The following FGD3 variants were observed in gnomAD, a reference collection of about 807,000 sequenced individuals.
The protein encoded by FGD3 is FYVE, RhoGEF and PH domain-containing protein 3.
In FGD3, 45 loss-of-function variants were observed where a neutral mutation model predicts 71.8. The observed-to-expected ratio is 0.63, with a 90% CI of 0.49 to 0.80. FGD3 has a LOEUF of 0.80. FGD3 is among the 30% of genes least tolerant of loss of function. The probability of loss-of-function intolerance (pLI) is 0.00; values close to 1 mark genes in which losing one functional copy is unlikely to be tolerated. For missense variants in FGD3, 844 were observed against 951.5 expected, an observed-to-expected ratio of 0.89 and a Z score of 1.49; for synonymous variants, 378 against 392.8, an observed-to-expected ratio of 0.96 and a Z score of 0.44.
chr9:92,976,272 G>A lies in FGD3; in HGVS notation c.16G>A (p.Gly6Arg), dbSNP rs759073543. ...AGCTTTAAGGATGGAGTCAGGCAGG[G>A]GGTCCTCAACCCCTCCAGGACCCAT... MESGR[G>R]SSTPPGPIAA... The change falls in exon 3 of 18, where the codon GGG (glycine) becomes AGG (arginine). Residue 6 changes from glycine (G) to arginine (R), a missense_variant. Coordinates refer to ENST00000375482, the MANE Select transcript of FGD3 (RefSeq NM_001083536.2). 6.3e-7 allele frequency: 1 copy of A among 1,585,804 alleles called. No homozygotes were observed.
chr9:92,965,283 A>G (rs772796530), intron 1 of FGD3, among the ~76,000 whole-genome samples: 1 of 152,200 alleles, frequency 6.6e-6, no homozygotes, highest in Admixed American at 6.5e-5. Flanking sequence ...TGCCATTCAG[A>G]TCGGTGCTTG....
intron 16 of FGD3, 125 bp from the exon 17 acceptor site, chr9:93,034,416 A>G (rs2118850290): frequency 7.6e-7 from 1 of 1,314,596 alleles, no homozygotes; most frequent in Admixed American, 2.4e-5. Context: ...CTCTGTGCAG[A>G]TCTTGGCCAT....
At chr9:92,965,567 A>AAT (rs1161564384) in intron 1 of FGD3, among the ~76,000 whole-genome samples, 1 of 152,174 alleles carries the variant, frequency 6.6e-6, no homozygotes. Flanking sequence ...CTACACAAAA[A>AAT]CCAGCACCAT....
intron 3 of FGD3, among the ~76,000 whole-genome samples, chr9:92,984,635 A>G (rs1860122600): frequency 6.6e-6 from 1 of 152,192 alleles, no homozygotes; most frequent in Non-Finnish European, 1.5e-5. Context: ...CAGGAGAAAT[A>G]GAGCTCTTAG....
chr9:92,994,202 T>A (rs1860537727), intron 3 of FGD3, among the ~76,000 whole-genome samples: 1 of 152,198 alleles, frequency 6.6e-6, no homozygotes, highest in South Asian at 2.1e-4. Context: ...TGATTTGCAT[T>A]TCTCTGATGG....
intron 1 of FGD3, among the ~76,000 whole-genome samples, chr9:92,951,058 G>C (rs1459640910): frequency 6.6e-6 from 1 of 152,170 alleles, no homozygotes; most frequent in African/African-American, 2.4e-5. Context: ...GAGGGTTGTG[G>C]CCAGGGGCTG....
At chr9:93,022,531 C>A (rs1052589133) in intron 14 of FGD3, 142 bp downstream of exon 14, 23 of 765,258 alleles carry the variant, frequency 3.0e-5, no homozygotes, top group Non-Finnish European at 4.5e-5. Context: ...GTCTGCCCTG[C>A]TCACTGTGAC....
intron 1 of FGD3, among the ~76,000 whole-genome samples, chr9:92,971,582 T>C (rs1244133244): frequency 4.4e-5 from 6 of 135,396 alleles, no homozygotes; most frequent in African/African-American, 1.7e-4. Context: ...TTTTTTTTTT[T>C]TTTTTTTTTT....
At position 93,013,909 on chromosome 9, in the gene FGD3, G is replaced by C; in HGVS notation, c.1093G>C (p.Val365Leu). 6.2e-7 allele frequency: 1 copy of C among 1,612,762 alleles called. No individual in the cohort carries two copies. The highest frequency in any genetic ancestry group is 8.5e-7 in the Non-Finnish European group (1 of 1,179,550). The change falls in exon 9 of 18, where the codon GTC becomes CTC. Residue 365 changes from valine (V) to leucine (L), a missense_variant. Coordinates refer to ENST00000375482, the MANE Select transcript of FGD3 (RefSeq NM_001083536.2). ...YEQLGGEEDI[V>L]NPANELIKEG... is the part of the protein sequence containing the mutation. ...GCAGCTGGGTGGGGAAGAAGACATT[G>C]TCAACCCGGCCAATGAACTGATCAA...
Position 93,018,129 on chromosome 9 carries a change from C to T in FGD3, c.1276-7C>T. 6.2e-7 allele frequency: 1 copy of T among 1,613,888 alleles called. No homozygotes were observed. The highest frequency in any genetic ancestry group is 8.5e-7 in the Non-Finnish European group (1 of 1,179,870). The stretch of plus-strand genomic sequence containing the variant: ...GTTTGCTTTGTTCTTTGTTCTTGCC[C>T]CTTCAGGTGCAGGATATCGTCAAGC... On this transcript the variant is annotated splice_region_variant and splice_polypyrimidine_tract_variant and intron_variant, in intron 10 of 17. Coordinates refer to ENST00000375482, the MANE Select transcript of FGD3 (RefSeq NM_001083536.2).
At chr9:93,034,386 C>T (rs1440359849) in intron 16 of FGD3, 155 bp from the exon 17 acceptor site, 15 of 989,840 alleles carry the variant, frequency 1.5e-5, no homozygotes, top group Admixed American at 5.4e-5. Context: ...CCTTGCAAGC[C>T]GGGTGAGGCT....
Position 92,976,284 on chromosome 9 carries a change from C to T in FGD3, c.28C>T (p.Pro10Ser). ...GGAGTCAGGCAGGGGGTCCTCAACC[C>T]CTCCAGGACCCATTGCTGCCCTAGG... MESGRGSST[P>S]PGPIAALGMP... is the part of the protein sequence containing the mutation. Residue 10 changes from proline (P) to serine (S), a missense_variant, in exon 3 of 18, where the codon CCT becomes TCT. Physicochemically the swap from Pro to Ser is moderately conservative, Grantham distance 74 (BLOSUM62 -1). Coordinates refer to ENST00000375482, the MANE Select transcript of FGD3 (RefSeq NM_001083536.2). 1 of 1,591,488 alleles carries T rather than the reference C, an allele frequency of 6.3e-7. No individual in the cohort carries two copies. Among genetic ancestry groups the T allele is most frequent in the Non-Finnish European group, 8.6e-7 (1 of 1,163,574 alleles).
At chr9:92,954,980 A>T (rs548416815) in intron 1 of FGD3, among the ~76,000 whole-genome samples, 6 of 152,270 alleles carry the variant, frequency 3.9e-5, no homozygotes, top group Non-Finnish European at 7.3e-5. Context: ...AGTGATGGCG[A>T]TATGGTGTCT....
intron 6 of FGD3, among the ~76,000 whole-genome samples, chr9:93,007,228 C>CT (rs1350280182): frequency 6.7e-6 from 1 of 148,898 alleles, no homozygotes; most frequent in African/African-American, 2.5e-5. Flanking sequence ...GTAGCTGGGA[C>CT]TACAGGCGCC....
At chr9:92,961,983 G>C (rs1349197239) in intron 1 of FGD3, among the ~76,000 whole-genome samples, 1 of 152,196 alleles carries the variant, frequency 6.6e-6, no homozygotes, top group Non-Finnish European at 1.5e-5. Context: ...GTGTCCACAG[G>C]TCAGCTCTAT....
chr9:93,012,694 TG>T (rs1194516481), intron 8 of FGD3, among the ~76,000 whole-genome samples: 1 of 75,550 alleles, frequency 1.3e-5, no homozygotes. Flanking sequence ...TGGCGGGGTG[TG>T]GGGGGGGGAA....
intron 9 of FGD3, among the ~76,000 whole-genome samples, chr9:93,015,006 G>A (rs1012476592): frequency 2.4e-5 from 3 of 127,510 alleles, no homozygotes; most frequent in Admixed American, 1.0e-4. Flanking sequence ...GCAAGCGCTC[G>A]CCTGCCCTGG....
At chr9:92,947,843 G>C (rs935522384) in intron 1 of FGD3, 114 bp downstream of exon 1, 1 of 152,552 alleles carries the variant, frequency 6.6e-6, no homozygotes, top group Admixed American at 6.5e-5. Context: ...TTCTCCAGGG[G>C]GCGGGCTGGT....
In FGD3 at chr9:92,967,610, C is replaced by T. The variant is rs1048261064; in HGVS notation, c.-217-7628C>T. ...TTTACTTATGAGATGGAGTCTCACTCTGTCACCAGGCTGGAGTGCAGTGGC... is the reference window on the plus strand; with the variant it reads ...TTTACTTATGAGATGGAGTCTCACTTTGTCACCAGGCTGGAGTGCAGTGGC... On this transcript the variant is annotated intron_variant, in intron 1 of 17. Transcript: ENST00000375482. Among the ~76,000 whole-genome samples the T allele has an allele frequency of 4.6e-5, 7 of 152,280 alleles. No homozygotes were observed. The East Asian group carries it at 1.4e-3, about 29-fold the overall frequency.
Sources: gnomAD v4.1 joint callset for allele counts (sites outside exome capture counted in the v4.1 genomes callset) on GRCh38, gnomAD v4.1.1 for gene constraint, MANE v1.5 for transcripts, NCBI Gene and HGNC (gene_info 2026-07-23, HGNC 2026-07-21) for gene names.